The following HSPG2 variants were observed in gnomAD, a reference collection of about 807,000 sequenced individuals.
HSPG2 encodes the protein heparan sulfate proteoglycan 2, also known as basement membrane-specific heparan sulfate proteoglycan core protein.
A neutral mutation model predicts 526.6 loss-of-function variants in HSPG2; 278 were observed. That is an observed-to-expected ratio of 0.53 (90% CI 0.48 to 0.58). The LOEUF (loss-of-function observed/expected upper bound fraction) is 0.58, where lower values mean the gene tolerates loss of function less well. Ranked by LOEUF, HSPG2 falls within the 20% of genes least tolerant of loss-of-function variation. HSPG2 has a pLI of 0.00. For synonymous variants in HSPG2, 2,465 were observed against 2,555.4 expected, an observed-to-expected ratio of 0.96 and a Z score of 1.07; for missense variants, 5,354 against 6,099.5, an observed-to-expected ratio of 0.88 and a Z score of 4.07.
At chr1:21,826,304 A>G in intron 91 of HSPG2, among the ~76,000 whole-genome samples, 1 of 152,030 alleles carries the variant, frequency 6.6e-6, no homozygotes, top group East Asian at 1.9e-4. Context: ...TCCTGGGCTC[A>G]AGCAATCCTC....
chr1:21,874,284 T>C (rs1190450265), intron 28 of HSPG2, 122 bp downstream of exon 28: 10 of 1,331,942 alleles, frequency 7.5e-6, no homozygotes, highest in African/African-American at 1.4e-5. Flanking sequence ...CAAGTGACAC[T>C]GAGCAGGCAG....
chr1:21,849,212 C>T (rs1049827253), intron 57 of HSPG2, among the ~76,000 whole-genome samples, 181 bp from the exon 58 acceptor site: 8 of 152,256 alleles, frequency 5.3e-5, no homozygotes, highest in Non-Finnish European at 7.3e-5. Flanking sequence ...CTGGGTCTAG[C>T]GTCCCACCTC....
Position 21,822,345 on chromosome 1 carries a change from G to T in HSPG2, c.*971C>A. On this transcript the variant is annotated 3_prime_UTR_variant, in exon 97 of 97. Transcript: ENST00000374695. ...AGGCGTCCCAACCCCACAGTCTGGGGGCCACTGGCAGGATGGCACTTGAGC... is the reference window on the plus strand; with the variant it reads ...AGGCGTCCCAACCCCACAGTCTGGGTGCCACTGGCAGGATGGCACTTGAGC... The T allele has an allele frequency of 1.1e-6, 1 of 905,574 alleles. No individual in the cohort carries two copies. 56.1% of individuals were successfully genotyped at this position (905,574 alleles called of 1,614,324 possible).
chr1:21,826,946 C>T (rs1297346886), intron 91 of HSPG2, among the ~76,000 whole-genome samples: 17 of 152,054 alleles, frequency 1.1e-4, no homozygotes. Context: ...CGGTGGCTTA[C>T]GCCTGTAATC....
chr1:21,874,167 C>T (rs984484384), intron 28 of HSPG2, among the ~76,000 whole-genome samples, 156 bp from the exon 29 acceptor site: 1 of 152,172 alleles, frequency 6.6e-6, no homozygotes, highest in African/African-American at 2.4e-5. Context: ...CTAAGAGTTC[C>T]ACATGCATAG....
rs369084217 is a variant in HSPG2, at chr1:21,833,363, G to A, written c.11000C>T (p.Thr3667Met). Residue 3667 changes from threonine to methionine, a missense_variant, in exon 80 of 97, where the codon ACG (threonine) becomes ATG (methionine). Physicochemically the swap from Thr to Met is moderately conservative, Grantham distance 81 (BLOSUM62 -1). Transcript: ENST00000374695. ...CGGTAGGAAGGAGTAGGGGGTCTGCGTGAAGTAGGGCACCACCCGCTCTGC... is the reference window on the plus strand; with the variant it reads ...CGGTAGGAAGGAGTAGGGGGTCTGCATGAAGTAGGGCACCACCCGCTCTGC... ...QVPERVVPYFTQTPYSFLPLP... is the reference protein window; with the variant it reads ...QVPERVVPYFMQTPYSFLPLP... The A allele has an allele frequency of 1.9e-5, 31 of 1,614,164 alleles. 1 individual carries two copies. The African/African-American group carries it at 2.9e-4, about 15-fold the overall frequency.
rs572814210 is a variant in HSPG2 at position 21,852,016 on chromosome 1, C to G, written c.6870+72G>C. On this transcript the variant is annotated intron_variant, in intron 53 of 96. Transcript: ENST00000374695. ...TCCCCCCGATCTAGGAAGTGCCAGCCCCTCAGCCTAGGGGCCAGGATCCTG... is the reference window on the plus strand; with the variant it reads ...TCCCCCCGATCTAGGAAGTGCCAGCGCCTCAGCCTAGGGGCCAGGATCCTG... 388 of 1,611,286 alleles carry G rather than the reference C, an allele frequency of 2.4e-4. 2 individuals are homozygous for G. Among genetic ancestry groups the G allele is most frequent in the Non-Finnish European group, 1.9e-5 (22 of 1,179,674 alleles).
At chr1:21,829,702 T>G in intron 86 of HSPG2, 98 bp from the exon 87 acceptor site, 1 of 1,077,082 alleles carries the variant, frequency 9.3e-7, no homozygotes, top group Non-Finnish European at 1.3e-6. Flanking sequence ...CCTGCCTCAC[T>G]CTCCAGGCCC....
chr1:21,854,533 C>T (rs1639179739), intron 49 of HSPG2, 78 bp downstream of exon 49: 3 of 1,489,580 alleles, frequency 2.0e-6, no homozygotes, highest in African/African-American at 1.4e-5. Context: ...GCCGCCTCCC[C>T]CGCCCAGCGT....
intron 70 of HSPG2, 66 bp downstream of exon 70, chr1:21,841,473 G>A: frequency 3.1e-6 from 5 of 1,605,468 alleles, no homozygotes. Context: ...TTTAAACTTG[G>A]AGGCTCTGAG....
chr1:21,922,023 C>T (rs191998747), intron 1 of HSPG2, among the ~76,000 whole-genome samples: 155 of 152,092 alleles, frequency 1.0e-3, no homozygotes, highest in African/African-American at 3.4e-3. Context: ...TGCAGGGGGA[C>T]GACACAATAG....
intron 1 of HSPG2, among the ~76,000 whole-genome samples, chr1:21,926,810 T>C (rs1052559368): frequency 6.4e-5 from 8 of 124,598 alleles, no homozygotes; most frequent in East Asian, 2.2e-4. Context: ...AATGATAGAG[T>C]AGAGGCCACT....
Position 21,880,519 on chromosome 1 carries a change from G to A in HSPG2, c.2039C>T (p.Ala680Val), listed in dbSNP as rs374004974. 55 of 1,613,490 alleles carry A rather than the reference G, an allele frequency of 3.4e-5. No individual in the cohort carries two copies. The highest frequency in any genetic ancestry group is 4.2e-5 in the Non-Finnish European group (49 of 1,179,958). ...GCTCTGCAGCACCTGCAGCAGCTCCGCGCGCTGCACCGGCCGGCCAGACTC... is the reference window on the plus strand; with the variant it reads ...GCTCTGCAGCACCTGCAGCAGCTCCACGCGCTGCACCGGCCGGCCAGACTC... ...VHESGRPVQRAELLQVLQSLE... is the reference protein window; with the variant it reads ...VHESGRPVQRVELLQVLQSLE... The change falls in exon 16 of 97, where the codon GCG becomes GTG. Residue 680 changes from alanine to valine, a missense_variant. Transcript: ENST00000374695.
intron 1 of HSPG2, among the ~76,000 whole-genome samples, chr1:21,902,251 C>A (rs996917689): frequency 5.3e-5 from 8 of 152,214 alleles, no homozygotes; most frequent in Non-Finnish European, 8.8e-5. Flanking sequence ...CTCTGGCATG[C>A]TTGTGCTGCC....
intron 74 of HSPG2, among the ~76,000 whole-genome samples, chr1:21,837,585 G>A (rs1028267096): frequency 6.6e-6 from 1 of 151,832 alleles, no homozygotes; most frequent in Non-Finnish European, 1.5e-5. Context: ...CACCGCGCCC[G>A]GCCATACTCA....
chr1:21,838,852 C>G lies in HSPG2; in HGVS notation c.10123G>C (p.Glu3375Gln), dbSNP rs761428435. 1.2e-6 allele frequency: 2 copies of G among 1,612,332 alleles called. No homozygotes were observed. Among genetic ancestry groups the G allele is most frequent in the East Asian group, 2.2e-5 (1 of 44,850 alleles). ...TGGACGAGCAGCTGGGCAAAGGCCTCGGCTGAGCCCACCTTGTTGGTGACC... is the reference window on the plus strand; with the variant it reads ...TGGACGAGCAGCTGGGCAAAGGCCTGGGCTGAGCCCACCTTGTTGGTGACC... ...CRVTNKVGSA[E>Q]AFAQLLVQGP... Residue 3375 changes from glutamate to glutamine, a missense_variant, in exon 74 of 97, where the codon GAG (glutamate) becomes CAG (glutamine). Physicochemically the swap from Glu to Gln is conservative, Grantham distance 29 (BLOSUM62 2). Transcript: ENST00000374695.
chr1:21,872,267 G>C lies in HSPG2; in HGVS notation c.4140C>G (p.Ala1380=). ...GGGCAAAGTTGCCAAAAGAGAGCTG[G>C]GCACCCTCGGGCACGGGTTCCACAG... The part of the protein sequence containing the change: ...EFTVEPVPEG[A]QLSFGNFAQL... Residue 1380 remains alanine (A), a synonymous_variant, in exon 33 of 97, where the codon GCC becomes GCG. Transcript: ENST00000374695. The surrounding 1 kb of genome is among the most constrained non-coding windows in gnomAD (Gnocchi z 5.5). The C allele has an allele frequency of 1.3e-6, 2 of 1,556,324 alleles. No homozygotes were observed. Among genetic ancestry groups the C allele is most frequent in the Non-Finnish European group, 8.7e-7 (1 of 1,149,550 alleles).
chr1:21,905,599 T>C (rs1317770380), intron 1 of HSPG2, among the ~76,000 whole-genome samples: 1 of 152,058 alleles, frequency 6.6e-6, no homozygotes, highest in East Asian at 1.9e-4. Context: ...AAACTTAGCC[T>C]GGTGTGGTGG....
intron 1 of HSPG2, among the ~76,000 whole-genome samples, chr1:21,922,669 C>T (rs1387230961): frequency 6.6e-6 from 1 of 152,098 alleles, no homozygotes; most frequent in East Asian, 1.9e-4. Context: ...CACCTGAAGC[C>T]AACGTAAGGT....
Sources: gnomAD v4.1 joint callset for allele counts (sites outside exome capture counted in the v4.1 genomes callset) on GRCh38, gnomAD v4.1.1 for gene constraint, Gnocchi (gnomAD v3.1) non-coding constraint, MANE v1.5 for transcripts, NCBI Gene and HGNC (gene_info 2026-07-23, HGNC 2026-07-21) for gene names.